The following OSGEPL1 variants were observed in gnomAD, a reference collection of about 807,000 sequenced individuals.
OSGEPL1 encodes the protein O-sialoglycoprotein endopeptidase like 1.
In OSGEPL1, 26 loss-of-function variants were observed where a neutral mutation model predicts 37.2. The observed-to-expected ratio is 0.70, with a 90% CI of 0.51 to 0.97. The LOEUF is 0.97. OSGEPL1 is among the 50% of genes least tolerant of loss of function. OSGEPL1 has a pLI of 0.00. For missense variants in OSGEPL1, 404 were observed against 487.0 expected (o/e 0.83, Z 1.60); for synonymous variants, 140 against 159.9 (o/e 0.88, Z 0.94).
intron 2 of OSGEPL1, among the ~76,000 whole-genome samples, chr2:189,760,339 G>A (rs572217293): frequency 1.3e-5 from 2 of 152,250 alleles, no homozygotes; most frequent in African/African-American, 2.4e-5. Flanking sequence ...GCGGCCAGGC[G>A]GAGGGGCCCC....
At chr2:189,762,513 GGATT>G in intron 1 of OSGEPL1, 168 bp downstream of exon 1, 1 of 842,410 alleles carries the variant, frequency 1.2e-6, no homozygotes, top group Non-Finnish European at 1.4e-6. Flanking sequence ...TGGACAAGGA[GGATT>G]GTACGAAGCA....
Position 189,762,717 on chromosome 2 carries a change from C to T in OSGEPL1, c.-53G>A, listed in dbSNP as rs1186063173. The T allele has an allele frequency of 1.8e-5, 18 of 985,268 alleles. No homozygotes were observed. Among genetic ancestry groups the T allele is most frequent in the Non-Finnish European group, 2.2e-5 (18 of 829,962 alleles). The allele number at this position is 985,268 out of a possible 1,614,324, so 61.0% of individuals were successfully genotyped here. A position where few individuals can be genotyped will look rare whatever the true frequency, so the allele number is the denominator to read the frequency against. On this transcript the variant is annotated 5_prime_UTR_variant, in exon 1 of 9. Coordinates refer to ENST00000264151, the MANE Select transcript of OSGEPL1 (RefSeq NM_022353.3). ...TTGGGCGGCAGTAGCTAGCACTTGT[C>T]TCCTTTCCCTACTAAAGACTGTCGA...
chr2:189,760,767 G>A (rs1206264364), intron 2 of OSGEPL1, among the ~76,000 whole-genome samples: 2 of 151,766 alleles, frequency 1.3e-5, no homozygotes, highest in African/African-American at 2.4e-5. Flanking sequence ...CTCCAGCCTG[G>A]TGACAGAGTG....
chr2:189,751,496 G>A (rs1291299682), intron 7 of OSGEPL1, among the ~76,000 whole-genome samples: 6 of 147,618 alleles, frequency 4.1e-5, no homozygotes, highest in Non-Finnish European at 7.4e-5. Flanking sequence ...CCGGGCTGGA[G>A]TGCAGTGGCG....
chr2:189,748,632 G>A (rs374117476), intron 8 of OSGEPL1, among the ~76,000 whole-genome samples: 6 of 152,292 alleles, frequency 3.9e-5, no homozygotes, highest in South Asian at 2.1e-4. Context: ...TAGGAAATGC[G>A]GAGGGAAATG....
intron 8 of OSGEPL1, among the ~76,000 whole-genome samples, chr2:189,747,936 T>A (rs1484944370): frequency 6.6e-6 from 1 of 152,160 alleles, no homozygotes; most frequent in Admixed American, 6.5e-5. Flanking sequence ...TCCGCCTACC[T>A]TGGCCTCCCA....
Position 189,761,425 on chromosome 2 carries a change from A to G in OSGEPL1, c.216T>C (p.His72=), listed in dbSNP as rs1426995151. 1.3e-6 allele frequency: 2 copies of G among 1,597,104 alleles called. No homozygotes were observed. Among genetic ancestry groups the G allele is most frequent in the Non-Finnish European group, 1.7e-6 (2 of 1,175,442 alleles). ...CTAAGATAATGTCTACTTACTTTAA[A>G]TGAACTTCAGTTTGGGAATGTATTG... is the stretch of plus-strand genomic sequence containing the variant. The part of the protein sequence containing the change: ...GEAIHSQTEV[H]LKTGGIVPPA... The change falls in exon 2 of 9, where the codon CAT becomes CAC. Residue 72 remains histidine, a synonymous_variant. Coordinates refer to ENST00000264151, the MANE Select transcript of OSGEPL1 (RefSeq NM_022353.3).
In OSGEPL1 at chr2:189,752,858, A is replaced by C. The variant is rs2045492013; in HGVS notation, c.1085T>G (p.Met362Arg). The C allele has an allele frequency of 6.2e-7, 1 of 1,613,780 alleles. No individual in the cohort carries two copies. Among genetic ancestry groups the C allele is most frequent in the Admixed American group, 1.7e-5 (1 of 59,986 alleles). The change falls in exon 6 of 9, where the codon ATG becomes AGG. Residue 362 changes from methionine (M) to arginine (R), a missense_variant. Met to Arg is a moderately conservative substitution (Grantham distance 91). Transcript: ENST00000264151. ...ATATCCTGTGGCTTACCATGCAATC[A>C]TAATGCCATTATCAGTGCATAGTCT... is the stretch of plus-strand genomic sequence containing the variant. ...PPRLCTDNGI[M>R]IAWNGIERLR...
In OSGEPL1 at chr2:189,752,900, A is replaced by G. The variant is rs373078010; in HGVS notation, c.1043T>C (p.Leu348Ser). 6.9e-5 allele frequency: 112 copies of G among 1,613,840 alleles called. No individual in the cohort carries two copies. The highest frequency in any genetic ancestry group is 9.2e-5 in the Non-Finnish European group (109 of 1,179,866). Residue 348 changes from leucine to serine, a missense_variant, in exon 6 of 9, where the codon TTG becomes TCG. Transcript: ENST00000264151. ...EILTNATQCT[L>S]LCPPPRLCTD... ...GCATAGTCTGGGAGGAGGACACAAC[A>G]AAGTGCACTGTGTTGCATTTGTTAA... is the stretch of plus-strand genomic sequence containing the variant.
intron 2 of OSGEPL1, among the ~76,000 whole-genome samples, chr2:189,760,331 G>A (rs1257515841): frequency 3.9e-5 from 6 of 152,132 alleles, no homozygotes; most frequent in Admixed American, 1.3e-4. Context: ...CAGAGGTGGC[G>A]GCCAGGCGGA....
At chr2:189,754,516 C>G in intron 3 of OSGEPL1, 171 bp from the exon 4 acceptor site, 1 of 610,506 alleles carries the variant, frequency 1.6e-6, no homozygotes, top group South Asian at 2.3e-5. Flanking sequence ...AGCAGACAAC[C>G]CTGTTCCTTA....
chr2:189,752,045 G>A (rs921282533), intron 7 of OSGEPL1, among the ~76,000 whole-genome samples: 5 of 151,892 alleles, frequency 3.3e-5, no homozygotes, highest in South Asian at 2.1e-4. Flanking sequence ...TCAGGAGGCT[G>A]AGGCATGACA....
Position 189,759,233 on chromosome 2 carries a change from T to A in OSGEPL1, c.221+2187A>T, listed in dbSNP as rs527271751. Among the ~76,000 whole-genome samples, 192 of 151,944 alleles carry A rather than the reference T, an allele frequency of 1.3e-3. 2 individuals carry two copies. The highest frequency in any genetic ancestry group is 2.1e-3 in the Admixed American group (32 of 15,250). ...CTAATGCCACCCTCCCGTAATTCTATGAGGCAGATGTTAATTTTCCTTTTT... is the reference window on the plus strand; with the variant it reads ...CTAATGCCACCCTCCCGTAATTCTAAGAGGCAGATGTTAATTTTCCTTTTT... On this transcript the variant is annotated intron_variant, in intron 2 of 8. Transcript: ENST00000264151.
At chr2:189,748,290 A>G (rs1187339228) in intron 8 of OSGEPL1, among the ~76,000 whole-genome samples, 2 of 152,018 alleles carry the variant, frequency 1.3e-5, no homozygotes, top group East Asian at 1.9e-4. Flanking sequence ...GTAGCCTATA[A>G]CTCCTGGGTT....
In OSGEPL1 at chr2:189,750,646, C is replaced by T; in HGVS notation, c.1177G>A (p.Gly393Arg). ...GIRYEPKCPL[G>R]VDISKEVGEA... is the part of the protein sequence containing the mutation. ...CCAACTTCTTTTGATATGTCTACTC[C>T]AAGAGGACATCTACATCATAAGCAG... The change falls in exon 8 of 9, where the codon GGA (glycine) becomes AGA (arginine). Residue 393 changes from glycine to arginine, a missense_variant. Transcript: ENST00000264151. 1 of 1,581,848 alleles carries T rather than the reference C, an allele frequency of 6.3e-7. No homozygotes were observed. The highest frequency in any genetic ancestry group is 8.6e-7 in the Non-Finnish European group (1 of 1,164,342).
At position 189,747,108 on chromosome 2, in the gene OSGEPL1, G is replaced by C. The variant is rs1453999594; in HGVS notation, c.*89C>G. 6.5e-6 allele frequency: 1 copy of C among 153,232 alleles called. No homozygotes were observed. Among genetic ancestry groups the C allele is most frequent in the Admixed American group, 6.5e-5 (1 of 15,278 alleles). 9.5% of individuals were successfully genotyped at this position (153,232 alleles called of 1,614,324 possible). A position where few individuals can be genotyped will look rare whatever the true frequency, so the allele number is the denominator to read the frequency against. On this transcript the variant is annotated 3_prime_UTR_variant, in exon 9 of 9. Transcript: ENST00000264151. Reference sequence around the variant, plus strand: ...CCCAGCACTTCTGGAGGCCAAGGTGGGAGGATCACTTGAATTCAGCAGTTC... The same window carrying C: ...CCCAGCACTTCTGGAGGCCAAGGTGCGAGGATCACTTGAATTCAGCAGTTC...
At chr2:189,747,604 T>A (rs1039906549) in intron 8 of OSGEPL1, among the ~76,000 whole-genome samples, 1 of 152,176 alleles carries the variant, frequency 6.6e-6, no homozygotes, top group East Asian at 1.9e-4. Context: ...TTTGCTCAAA[T>A]AGCAATGTCT....
In OSGEPL1 at chr2:189,761,611, A is replaced by C. The variant is rs772339053; in HGVS notation, c.30T>G (p.Val10=). The C allele has an allele frequency of 1.2e-6, 2 of 1,607,124 alleles. No individual in the cohort carries two copies. The change falls in exon 2 of 9, where the codon GTT becomes GTG. Residue 10 remains valine, a synonymous_variant. Coordinates refer to ENST00000264151, the MANE Select transcript of OSGEPL1 (RefSeq NM_022353.3). ...CTTTCCTTTTTGATGGTTTAAAAAA[A>C]ACTCCTGCAGTCTTAGTCAAGATTA... is the stretch of plus-strand genomic sequence containing the variant. The part of the protein sequence containing the change: MLILTKTAG[V]FFKPSKRKVY...
At chr2:189,751,934 C>A (rs1280052419) in intron 7 of OSGEPL1, among the ~76,000 whole-genome samples, 1 of 151,090 alleles carries the variant, frequency 6.6e-6, no homozygotes, top group African/African-American at 2.4e-5. Context: ...TCACTTGAGG[C>A]CTGGAGTTCG....
Sources: gnomAD v4.1 joint callset for allele counts (sites outside exome capture counted in the v4.1 genomes callset) on GRCh38, gnomAD v4.1.1 for gene constraint, MANE v1.5 for transcripts, NCBI Gene and HGNC (gene_info 2026-07-23, HGNC 2026-07-21) for gene names.